The following FHOD3 variants were observed in gnomAD, a reference collection of about 807,000 sequenced individuals.
FHOD3 encodes FH1/FH2 domain-containing protein 3.
Under a neutral mutation model 173.0 loss-of-function variants are expected in FHOD3, and 90 were observed. The observed-to-expected ratio is 0.52, with a 90% CI of 0.44 to 0.62. The LOEUF (loss-of-function observed/expected upper bound fraction) is 0.62, where lower values mean the gene tolerates loss of function less well. FHOD3 is among the 20% of genes least tolerant of loss of function. FHOD3 has a pLI of 0.00. For missense variants in FHOD3, 1,945 were observed against 2,034.7 expected, an observed-to-expected ratio of 0.96 and a Z score of 0.85; for synonymous variants, 828 against 823.0, an observed-to-expected ratio of 1.01 and a Z score of -0.10.
At chr18:36,427,521 A>G (rs753241017) in intron 3 of FHOD3, among the ~76,000 whole-genome samples, 2 of 152,166 alleles carry the variant, frequency 1.3e-5, no homozygotes, top group Non-Finnish European at 2.9e-5. Context: ...TTCAAGTTTT[A>G]TTATGTTGGG....
chr18:36,701,580 G>A (rs79109975), intron 17 of FHOD3, among the ~76,000 whole-genome samples: 2,805 of 152,146 alleles, frequency 0.018, 80 homozygotes, highest in African/African-American at 0.065. Flanking sequence ...TGTCCCTGAG[G>A]GAGCATGACC....
intron 5 of FHOD3, among the ~76,000 whole-genome samples, chr18:36,556,376 C>G (rs1184978710): frequency 6.6e-6 from 1 of 152,046 alleles, no homozygotes; most frequent in Non-Finnish European, 1.5e-5. Flanking sequence ...GATATGAAAC[C>G]CACATGGAGA....
chr18:36,545,262 A>G (rs1284913523), intron 5 of FHOD3, among the ~76,000 whole-genome samples: 1 of 152,224 alleles, frequency 6.6e-6, no homozygotes, highest in East Asian at 1.9e-4. Context: ...ATTCTGGCCA[A>G]GATGATAGAC....
At chr18:36,596,507 C>A (rs147916949) in intron 7 of FHOD3, among the ~76,000 whole-genome samples, 119 of 152,100 alleles carry the variant, frequency 7.8e-4, no homozygotes, top group African/African-American at 2.7e-3. Flanking sequence ...TTTAGCATTA[C>A]TCAGACCCAC....
At chr18:36,751,078 C>T (rs141981586) in intron 24 of FHOD3, among the ~76,000 whole-genome samples, 2 of 152,256 alleles carry the variant, frequency 1.3e-5, no homozygotes, top group African/African-American at 4.8e-5. Context: ...GGCAGTATGG[C>T]CATTTTAATG....
At chr18:36,368,596 C>G (rs1056288705) in intron 2 of FHOD3, among the ~76,000 whole-genome samples, 1 of 151,960 alleles carries the variant, frequency 6.6e-6, no homozygotes, top group Non-Finnish European at 1.5e-5. Context: ...TTTAGAATGT[C>G]AATAATGTTA....
intron 1 of FHOD3, among the ~76,000 whole-genome samples, chr18:36,332,230 G>T (rs1340417714): frequency 6.6e-6 from 1 of 152,212 alleles, no homozygotes; most frequent in Non-Finnish European, 1.5e-5. Flanking sequence ...GGCATACCTG[G>T]TTTGCCTTCC....
chr18:36,376,576 T>A (rs2047448142), intron 3 of FHOD3, among the ~76,000 whole-genome samples: 1 of 152,170 alleles, frequency 6.6e-6, no homozygotes, highest in South Asian at 2.1e-4. Flanking sequence ...GCAGAGGCTG[T>A]CAAGGGGGCT....
chr18:36,601,789 A>G (rs1350870538), intron 7 of FHOD3, among the ~76,000 whole-genome samples: 1 of 152,188 alleles, frequency 6.6e-6, no homozygotes, highest in Non-Finnish European at 1.5e-5. Flanking sequence ...ATTTCACTTC[A>G]CTTCAAATAT....
chr18:36,769,892 G>A (rs2043301631), intron 28 of FHOD3, among the ~76,000 whole-genome samples: 2 of 152,228 alleles, frequency 1.3e-5, no homozygotes, highest in South Asian at 2.1e-4. Context: ...CAAAAACTAG[G>A]GTAGCAAGGG....
intron 24 of FHOD3, among the ~76,000 whole-genome samples, chr18:36,752,947 C>G (rs1032978112): frequency 1.7e-4 from 26 of 152,096 alleles, no homozygotes; most frequent in African/African-American, 6.3e-4. Flanking sequence ...ATCCTAATAT[C>G]ATATCATATA....
intron 7 of FHOD3, among the ~76,000 whole-genome samples, chr18:36,599,737 C>T (rs183751722): frequency 2.2e-4 from 34 of 152,148 alleles, no homozygotes; most frequent in South Asian, 1.7e-3. Flanking sequence ...GAGGACTGGC[C>T]GGGGAGTCAG....
chr18:36,339,017 C>A (rs1374816608), intron 1 of FHOD3, among the ~76,000 whole-genome samples: 3 of 152,152 alleles, frequency 2.0e-5, no homozygotes, highest in Non-Finnish European at 4.4e-5. Context: ...CTTCTGCTCT[C>A]CCCCTGCCCA....
intron 18 of FHOD3, chr18:36,711,126 C>T (rs1385116054): frequency 6.6e-6 from 1 of 152,164 alleles, no homozygotes; most frequent in Non-Finnish European, 1.5e-5. Flanking sequence ...AATGATTTTT[C>T]TGCTTTGCTT....
At chr18:36,317,730 A>G (rs1272085954) in intron 1 of FHOD3, among the ~76,000 whole-genome samples, 2 of 152,294 alleles carry the variant, frequency 1.3e-5, no homozygotes, top group African/African-American at 2.4e-5. Flanking sequence ...CTTTAGTTTA[A>G]TTAGATCCCA....
intron 10 of FHOD3, among the ~76,000 whole-genome samples, chr18:36,627,758 T>C (rs544123408): frequency 6.4e-4 from 98 of 152,256 alleles, no homozygotes; most frequent in Non-Finnish European, 1.1e-3. Context: ...GGGAGTGCGA[T>C]AGTGGGAATG....
intron 23 of FHOD3, among the ~76,000 whole-genome samples, chr18:36,745,411 C>G (rs147273526): frequency 1.3e-5 from 2 of 152,218 alleles, no homozygotes; most frequent in African/African-American, 4.8e-5. Flanking sequence ...CCTTCTCTTT[C>G]TGATGCAATA....
At chr18:36,601,346 A>G (rs982319137) in intron 7 of FHOD3, among the ~76,000 whole-genome samples, 1 of 152,214 alleles carries the variant, frequency 6.6e-6, no homozygotes, top group Non-Finnish European at 1.5e-5. Flanking sequence ...GTAGGTACCT[A>G]TTCTTTGTTT....
Position 36,746,954 on chromosome 18 carries a change from G to A in FHOD3, c.4051G>A (p.Asp1351Asn), listed in dbSNP as rs773510270. The A allele has an allele frequency of 6.8e-6, 11 of 1,606,858 alleles. No individual in the cohort carries two copies. The highest frequency in any genetic ancestry group is 9.3e-6 in the Non-Finnish European group (11 of 1,176,838). ...AITRSAKVDF[D>N]QLQDNLCQME... is the part of the protein sequence containing the mutation. ...TCGCTCTGATTTTCAGGTTGACTTT[G>A]ATCAACTTCAGGATAATTTATGTCA... Residue 1351 changes from aspartate (D) to asparagine (N), a missense_variant, in exon 24 of 29, where the codon GAT (aspartate) becomes AAT (asparagine). Asp to Asn is a conservative substitution (Grantham distance 23). Transcript: ENST00000590592.
Sources: allele counts gnomAD v4.1 joint callset (sites outside exome capture counted in the v4.1 genomes callset), GRCh38; gene constraint gnomAD v4.1.1; transcripts MANE v1.5; gene names NCBI Gene and HGNC (gene_info 2026-07-23, HGNC 2026-07-21).